The following CNTNAP2 variants were observed in gnomAD, a reference collection of about 807,000 sequenced individuals.
The protein encoded by CNTNAP2 is contactin associated protein 2.
Under a neutral mutation model 155.2 loss-of-function variants are expected in CNTNAP2, and 98 were observed. The observed-to-expected ratio is 0.63, with a 90% CI of 0.54 to 0.75. The LOEUF (loss-of-function observed/expected upper bound fraction) is 0.75. CNTNAP2 is among the 30% of genes least tolerant of loss of function. The probability of loss-of-function intolerance (pLI) is 0.00; values close to 1 mark genes in which losing one functional copy is unlikely to be tolerated. For synonymous variants in CNTNAP2, 651 were observed against 631.2 expected (o/e 1.03, Z -0.47); for missense variants, 1,727 against 1,688.1 (o/e 1.02, Z -0.40).
chr7:147,145,348 G>C (rs1801681334), intron 8 of CNTNAP2, among the ~76,000 whole-genome samples: 1 of 152,104 alleles, frequency 6.6e-6, no homozygotes, highest in Non-Finnish European at 1.5e-5. Flanking sequence ...AGAGTGGGGG[G>C]TAGGATGCTA....
chr7:146,127,427 GA>G (rs1217735293), intron 1 of CNTNAP2, among the ~76,000 whole-genome samples: 2 of 152,120 alleles, frequency 1.3e-5, no homozygotes, highest in Non-Finnish European at 2.9e-5. Flanking sequence ...ATTAAAGTGA[GA>G]AATTACCCCA....
chr7:146,815,828 T>C (rs1437567193), intron 2 of CNTNAP2, among the ~76,000 whole-genome samples: 1 of 152,168 alleles, frequency 6.6e-6, no homozygotes, highest in Non-Finnish European at 1.5e-5. Flanking sequence ...GTTACATATG[T>C]ATACATGTGC....
intron 9 of CNTNAP2, among the ~76,000 whole-genome samples, chr7:147,336,203 A>C (rs1795661563): frequency 6.6e-6 from 1 of 152,174 alleles, no homozygotes; most frequent in South Asian, 2.1e-4. Flanking sequence ...TAGTATTATG[A>C]TAATTTTATT....
intron 13 of CNTNAP2, among the ~76,000 whole-genome samples, chr7:147,722,523 C>A (rs570222883): frequency 6.6e-6 from 1 of 152,190 alleles, no homozygotes; most frequent in South Asian, 2.1e-4. Flanking sequence ...ATTTTGCCAA[C>A]AAGCATATGA....
rs184568314 is a variant in CNTNAP2, at chr7:146,800,797, C to G, written c.208+26416C>G. Among the ~76,000 whole-genome samples the G allele has an allele frequency of 2.6e-5, 4 of 151,946 alleles. No homozygotes were observed. The East Asian group carries it at 7.8e-4, about 29-fold the overall frequency. Reference sequence around the variant, plus strand: ...ACGAATTATACTAGATATAATCTCCCATAGGATTTACTGAGGAATACAGAG... The same window carrying G: ...ACGAATTATACTAGATATAATCTCCGATAGGATTTACTGAGGAATACAGAG... On this transcript the variant is annotated intron_variant, in intron 2 of 23. Coordinates refer to ENST00000361727, the MANE Select transcript of CNTNAP2 (RefSeq NM_014141.6).
chr7:146,625,500 CAA>C (rs1453439084), intron 1 of CNTNAP2, among the ~76,000 whole-genome samples: 5 of 152,014 alleles, frequency 3.3e-5, no homozygotes, highest in East Asian at 1.9e-4. Context: ...ATTTGAATCT[CAA>C]AATTTATTTT....
chr7:147,347,258 A>G (rs1302983992), intron 9 of CNTNAP2, among the ~76,000 whole-genome samples: 4 of 151,822 alleles, frequency 2.6e-5, no homozygotes, highest in Admixed American at 6.6e-5. Flanking sequence ...TTGTAGGTCA[A>G]TCTTGGTCAG....
chr7:146,699,484 G>C (rs552322416), intron 1 of CNTNAP2, among the ~76,000 whole-genome samples: 2 of 152,268 alleles, frequency 1.3e-5, no homozygotes, highest in African/African-American at 4.8e-5. Flanking sequence ...GTGTTTTAGT[G>C]AGCCTGGGCC....
In CNTNAP2 at chr7:146,380,544, G is replaced by T. The variant is rs117895390; in HGVS notation, c.97+263571G>T. On this transcript the variant is annotated intron_variant, in intron 1 of 23. Coordinates refer to ENST00000361727, the MANE Select transcript of CNTNAP2 (RefSeq NM_014141.6). ...TGTTTTGAAGATCTTGGCCATCATA[G>T]TAACTGATCTTATCTTTAACCATCA... 6.0e-3 allele frequency among the ~76,000 whole-genome samples: 916 copies of T among 152,140 alleles called. 8 individuals carry two copies. The highest frequency in any genetic ancestry group is 9.4e-3 in the Non-Finnish European group (641 of 67,996).
intron 1 of CNTNAP2, among the ~76,000 whole-genome samples, chr7:146,669,256 G>A (rs1475392180): frequency 6.6e-6 from 1 of 152,124 alleles, no homozygotes; most frequent in African/African-American, 2.4e-5. Context: ...TTGAAGAACA[G>A]GCAGTAAGCC....
chr7:146,348,673 C>G (rs999149791), intron 1 of CNTNAP2, among the ~76,000 whole-genome samples: 1 of 151,816 alleles, frequency 6.6e-6, no homozygotes, highest in Non-Finnish European at 1.5e-5. Context: ...TTTGTTTTCA[C>G]TAAACATTTC....
chr7:146,136,472 G>A (rs569662749), intron 1 of CNTNAP2, among the ~76,000 whole-genome samples: 3 of 152,232 alleles, frequency 2.0e-5, no homozygotes, highest in East Asian at 3.9e-4. Context: ...GGTTGAGGTC[G>A]GGAAGTCAGG....
chr7:146,898,938 G>T (rs987432079), intron 3 of CNTNAP2, among the ~76,000 whole-genome samples: 2 of 151,728 alleles, frequency 1.3e-5, no homozygotes, highest in Admixed American at 1.3e-4. Flanking sequence ...GCCACTGAAA[G>T]TGATTTTTGT....
chr7:146,970,622 A>T lies in CNTNAP2; in HGVS notation c.403-73285A>T, dbSNP rs571860332. 2.3e-3 allele frequency among the ~76,000 whole-genome samples: 349 copies of T among 152,032 alleles called. 1 individual carries two copies. The highest frequency in any genetic ancestry group is 7.2e-3 in the African/African-American group (300 of 41,532). On this transcript the variant is annotated intron_variant, in intron 3 of 23. Coordinates refer to ENST00000361727, the MANE Select transcript of CNTNAP2 (RefSeq NM_014141.6). ...TTTTACACTGTTGGTGGGACTGTAAACTAGTTCAACCATTGTGGAAGTCAG... is the reference window on the plus strand; with the variant it reads ...TTTTACACTGTTGGTGGGACTGTAATCTAGTTCAACCATTGTGGAAGTCAG...
intron 1 of CNTNAP2, among the ~76,000 whole-genome samples, chr7:146,175,181 C>T (rs1250887681): frequency 6.6e-6 from 1 of 152,032 alleles, no homozygotes; most frequent in African/African-American, 2.4e-5. Flanking sequence ...TAATGGATCC[C>T]CAGAGGCAGA....
At chr7:147,489,567 G>C (rs1798569883) in intron 11 of CNTNAP2, among the ~76,000 whole-genome samples, 1 of 152,160 alleles carries the variant, frequency 6.6e-6, no homozygotes, top group Non-Finnish European at 1.5e-5. Context: ...AACAGTTTGT[G>C]TTTATTGTAT....
chr7:147,629,424 T>A (rs2116907057), intron 12 of CNTNAP2, among the ~76,000 whole-genome samples: 1 of 146,266 alleles, frequency 6.8e-6, no homozygotes, highest in East Asian at 2.0e-4. Flanking sequence ...ATAATAATAA[T>A]AATAATAATA....
Position 147,476,313 on chromosome 7 carries a change from A to G in CNTNAP2, c.1671-9622A>G, listed in dbSNP as rs557464911. ...GTAGAGATGGGGTTTCACCGTGTTA[A>G]CCAGGATGGTCTCAATCTGCTGACC... On this transcript the variant is annotated intron_variant, in intron 10 of 23. Coordinates refer to ENST00000361727, the MANE Select transcript of CNTNAP2 (RefSeq NM_014141.6). 4.7e-4 allele frequency among the ~76,000 whole-genome samples: 72 copies of G among 151,910 alleles called. 1 individual carries two copies. The South Asian group carries it at 9.0e-3, about 19-fold the overall frequency.
intron 13 of CNTNAP2, among the ~76,000 whole-genome samples, chr7:147,768,766 CAG>C (rs1797421799): frequency 6.6e-6 from 1 of 151,982 alleles, no homozygotes; most frequent in Admixed American, 6.6e-5. Context: ...TACTATAAAC[CAG>C]AGTCAGTTGT....
Sources: allele counts gnomAD v4.1 joint callset (sites outside exome capture counted in the v4.1 genomes callset), GRCh38; gene constraint gnomAD v4.1.1; transcripts MANE v1.5; gene names NCBI Gene and HGNC (gene_info 2026-07-23, HGNC 2026-07-21).